ADAM22: variants seen among roughly 807,000 people sequenced by gnomAD.
ADAM22 encodes ADAM metallopeptidase domain 22.
In ADAM22, 65 loss-of-function variants were observed where a neutral mutation model predicts 144.6. That is an observed-to-expected ratio of 0.45 (90% CI 0.37 to 0.55). The LOEUF (loss-of-function observed/expected upper bound fraction) is 0.55, where lower values mean the gene tolerates loss of function less well. ADAM22 is among the 20% of genes least tolerant of loss of function. ADAM22 has a pLI of 0.00. For missense variants in ADAM22, 974 were observed against 1,184.9 expected, an observed-to-expected ratio of 0.82 and a Z score of 2.61; for synonymous variants, 391 against 412.6, an observed-to-expected ratio of 0.95 and a Z score of 0.63.
At chr7:87,952,464 A>G (rs934000449) in intron 2 of ADAM22, among the ~76,000 whole-genome samples, 1 of 152,070 alleles carries the variant, frequency 6.6e-6, no homozygotes, top group African/African-American at 2.4e-5. Context: ...GCATATATTG[A>G]ACCAGCCTTG....
chr7:87,995,064 C>A (rs916779587), intron 3 of ADAM22, among the ~76,000 whole-genome samples: 1 of 152,092 alleles, frequency 6.6e-6, no homozygotes, highest in Admixed American at 6.5e-5. Flanking sequence ...GTGATCCACT[C>A]GGCTCGGCCT....
intron 2 of ADAM22, 82 bp from the exon 3 acceptor site, chr7:87,978,254 T>A: frequency 9.3e-7 from 1 of 1,080,506 alleles, no homozygotes; most frequent in East Asian, 2.4e-5. Context: ...TTGTAAGTGT[T>A]TTGAAATAAT....
At chr7:88,012,038 C>CTTTTTTTTTTTT (rs35274305) in intron 3 of ADAM22, among the ~76,000 whole-genome samples, 3 of 137,884 alleles carry the variant, frequency 2.2e-5, no homozygotes, top group Non-Finnish European at 3.1e-5. Context: ...GTTTTTTTTT[C>CTTTTTTTTTTTT]TTTTTTTTTT....
chr7:87,973,473 CTT>C (rs1487039071), intron 2 of ADAM22, among the ~76,000 whole-genome samples: 1 of 151,928 alleles, frequency 6.6e-6, no homozygotes, highest in African/African-American at 2.4e-5. Flanking sequence ...AATAGGAACA[CTT>C]TTACACTGTT....
chr7:88,137,089 A>T (rs1446305024), intron 14 of ADAM22, among the ~76,000 whole-genome samples: 1 of 152,128 alleles, frequency 6.6e-6, no homozygotes. Context: ...GTCATTCTTT[A>T]TACTTTTACT....
At chr7:88,036,714 A>T (rs991319139) in intron 3 of ADAM22, among the ~76,000 whole-genome samples, 2 of 152,054 alleles carry the variant, frequency 1.3e-5, no homozygotes, top group Non-Finnish European at 2.9e-5. Flanking sequence ...GAAAGTTGTG[A>T]ATTAGAATAA....
At chr7:88,157,418 A>G (rs1187529786) in intron 22 of ADAM22, among the ~76,000 whole-genome samples, 3 of 152,180 alleles carry the variant, frequency 2.0e-5, no homozygotes, top group African/African-American at 7.2e-5. Context: ...GGGAGTCAGA[A>G]GACAATAGAG....
At chr7:87,989,826 G>C (rs959353521) in intron 3 of ADAM22, among the ~76,000 whole-genome samples, 1 of 152,118 alleles carries the variant, frequency 6.6e-6, no homozygotes, top group Admixed American at 6.5e-5. Context: ...TGAGGCAGGA[G>C]AATCGCTTGA....
intron 6 of ADAM22, among the ~76,000 whole-genome samples, chr7:88,115,551 C>G (rs560123109): frequency 6.6e-6 from 1 of 152,296 alleles, no homozygotes; most frequent in South Asian, 2.1e-4. Context: ...CTGGTTGTCT[C>G]CACTTGTTAT....
chr7:88,147,741 G>A (rs1836967681), intron 17 of ADAM22, among the ~76,000 whole-genome samples: 2 of 151,990 alleles, frequency 1.3e-5, no homozygotes, highest in African/African-American at 4.8e-5. Context: ...CTTTCTTTTA[G>A]AAGTTTCCTG....
chr7:88,051,052 A>G (rs1475290261), intron 3 of ADAM22, among the ~76,000 whole-genome samples: 2 of 152,214 alleles, frequency 1.3e-5, no homozygotes, highest in Admixed American at 6.5e-5. Flanking sequence ...TCAGGAAACA[A>G]CAGGTGATGG....
chr7:87,987,399 G>A (rs554082128), intron 3 of ADAM22, among the ~76,000 whole-genome samples: 4 of 152,104 alleles, frequency 2.6e-5, no homozygotes, highest in East Asian at 1.9e-4. Context: ...GGCTGGTCTC[G>A]AACTCCTGAC....
chr7:88,097,186 C>G, intron 4 of ADAM22, among the ~76,000 whole-genome samples: 1 of 143,714 alleles, frequency 7.0e-6, no homozygotes. Flanking sequence ...GAGTCTCACT[C>G]TGTCACCCAG....
At chr7:88,045,888 TTGTGTGTGTGTGTGTGTG>T (rs59898382) in intron 3 of ADAM22, among the ~76,000 whole-genome samples, 18 of 134,018 alleles carry the variant, frequency 1.3e-4, no homozygotes, top group South Asian at 2.7e-4. Context: ...TCGTATTCTA[TTGTGTGTGTGTGTGTGTG>T]TGTGTGTGTG....
intron 4 of ADAM22, among the ~76,000 whole-genome samples, chr7:88,101,809 A>G (rs1823004935): frequency 6.6e-6 from 1 of 152,188 alleles, no homozygotes; most frequent in Admixed American, 6.6e-5. Context: ...GGAGTAGTGT[A>G]AAGCAGTTGT....
chr7:88,157,950 C>T (rs1232558705), intron 22 of ADAM22, among the ~76,000 whole-genome samples: 1 of 151,872 alleles, frequency 6.6e-6, no homozygotes, highest in African/African-American at 2.4e-5. Context: ...TTAAAAGGCA[C>T]CAGAGTGACA....
chr7:88,088,048 C>T (rs12673545), intron 4 of ADAM22, among the ~76,000 whole-genome samples: 56,984 of 151,852 alleles, frequency 0.38, 11,889 homozygotes, highest in East Asian at 0.62. Context: ...GAGTGCTGTG[C>T]GTTGAAGGGC....
At chr7:88,035,616 CTTG>C (rs1402223414) in intron 3 of ADAM22, among the ~76,000 whole-genome samples, 1 of 152,146 alleles carries the variant, frequency 6.6e-6, no homozygotes, top group Non-Finnish European at 1.5e-5. Flanking sequence ...TGATTTTGTT[CTTG>C]TTATTATTCT....
intron 22 of ADAM22, among the ~76,000 whole-genome samples, chr7:88,158,276 A>G (rs1026393741): frequency 2.6e-4 from 40 of 152,312 alleles, no homozygotes; most frequent in African/African-American, 8.9e-4. Context: ...ACCTACAAAG[A>G]GACTTAAACT....
Sources: gnomAD v4.1 joint callset for allele counts (sites outside exome capture counted in the v4.1 genomes callset) on GRCh38, gnomAD v4.1.1 for gene constraint, MANE v1.5 for transcripts, NCBI Gene and HGNC (gene_info 2026-07-23, HGNC 2026-07-21) for gene names.